The following SCN10A variants were observed in gnomAD, a reference collection of about 807,000 sequenced individuals.
SCN10A encodes the protein sodium voltage-gated channel alpha subunit 10, also known as sodium channel protein type 10 subunit alpha.
SCN10A carries 162 observed loss-of-function variants against 170.7 expected under a neutral mutation model. The observed-to-expected ratio is 0.95, with a 90% CI of 0.84 to 1.08. SCN10A has a LOEUF of 1.08. SCN10A is among the 50% of genes least tolerant of loss of function. The pLI, the probability that SCN10A is intolerant of heterozygous loss-of-function variation, is 0.00. For synonymous variants in SCN10A, 985 were observed against 904.6 expected (o/e 1.09, Z -1.59); for missense variants, 2,527 against 2,436.9 (o/e 1.04, Z -0.78).
intron 4 of SCN10A, among the ~76,000 whole-genome samples, chr3:38,785,319 G>T (rs1575177094): frequency 6.6e-6 from 1 of 152,030 alleles, no homozygotes; most frequent in African/African-American, 2.4e-5. Context: ...GGCCTCAGAA[G>T]TAACACCGCA....
At chr3:38,783,153 G>A (rs1274219526) in intron 4 of SCN10A, among the ~76,000 whole-genome samples, 1 of 151,922 alleles carries the variant, frequency 6.6e-6, no homozygotes, top group African/African-American at 2.4e-5. Context: ...CTCCTTAGAG[G>A]CCCAATCTCC....
chr3:38,753,958 G>C (rs1456173688), intron 11 of SCN10A, among the ~76,000 whole-genome samples: 1 of 152,078 alleles, frequency 6.6e-6, no homozygotes, highest in African/African-American at 2.4e-5. Flanking sequence ...ATTTCTATTG[G>C]TTATAAAATG....
intron 1 of SCN10A, among the ~76,000 whole-genome samples, chr3:38,808,243 GC>G (rs1405628617): frequency 8.9e-5 from 5 of 56,386 alleles, no homozygotes; most frequent in Admixed American, 1.8e-4. Context: ...TTTCACACAT[GC>G]TTTTTTCTCT....
intron 26 of SCN10A, among the ~76,000 whole-genome samples, chr3:38,705,057 T>G (rs908417915): frequency 6.6e-6 from 1 of 152,240 alleles, no homozygotes; most frequent in Non-Finnish European, 1.5e-5. Flanking sequence ...GCCTGCCATT[T>G]GGATGCTGGT....
chr3:38,755,963 G>A lies in SCN10A; in HGVS notation c.1291-5C>T, dbSNP rs563934615. ...AATCCCTAGTGCTGCTAGCACCTGCGAAGAGAGAACAGCAGGTGTAGCCAA... is the reference window on the plus strand; with the variant it reads ...AATCCCTAGTGCTGCTAGCACCTGCAAAGAGAGAACAGCAGGTGTAGCCAA... On this transcript the variant is annotated splice_polypyrimidine_tract_variant and splice_region_variant and intron_variant, in intron 10 of 27. Transcript: ENST00000449082. The A allele has an allele frequency of 9.6e-5, 155 of 1,614,116 alleles. 1 individual carries two copies. In the South Asian group the frequency reaches 1.4e-3, roughly 15 times the overall value.
intron 4 of SCN10A, among the ~76,000 whole-genome samples, chr3:38,786,478 A>G (rs2064204104): frequency 6.6e-6 from 1 of 150,970 alleles, no homozygotes; most frequent in Non-Finnish European, 1.5e-5. Context: ...GGGCCTGTTG[A>G]GGGGTTGGGG....
chr3:38,797,047 T>C (rs1005283682), intron 1 of SCN10A, among the ~76,000 whole-genome samples: 5 of 151,870 alleles, frequency 3.3e-5, no homozygotes, highest in African/African-American at 1.2e-4. Flanking sequence ...AAATCACAGA[T>C]CCAATAATAG....
intron 1 of SCN10A, among the ~76,000 whole-genome samples, chr3:38,805,904 T>G (rs1023183372): frequency 5.9e-5 from 9 of 152,042 alleles, no homozygotes; most frequent in African/African-American, 2.2e-4. Flanking sequence ...TAATCTGTTG[T>G]TGGAGCAGGA....
intron 17 of SCN10A, 62 bp from the exon 18 acceptor site, chr3:38,725,376 T>C: frequency 6.8e-7 from 1 of 1,473,804 alleles, no homozygotes; most frequent in Non-Finnish European, 9.1e-7. Flanking sequence ...GTTCTAAATT[T>C]GAAGGGATCT....
In SCN10A at chr3:38,726,884, G is replaced by A. The variant is rs1029017064; in HGVS notation, c.2809C>T (p.Pro937Ser). The change falls in exon 17 of 28, where the codon CCA becomes TCA. Residue 937 changes from proline (P) to serine (S), a missense_variant. Physicochemically the swap from Pro to Ser is moderately conservative, Grantham distance 74. Transcript: ENST00000449082. Reference sequence around the variant, plus strand: ...GGCTCTGCCTTGGGCTGGGGGAATGGGCAGGACCTGCTGAAGAAGCTGCAA... The same window carrying A: ...GGCTCTGCCTTGGGCTGGGGGAATGAGCAGGACCTGCTGAAGAAGCTGCAA... ...ALCSFFSRSC[P>S]FPQPKAEPEL... 3.7e-5 allele frequency: 60 copies of A among 1,614,210 alleles called. No individual in the cohort carries two copies. Among genetic ancestry groups the A allele is most frequent in the Non-Finnish European group, 5.0e-5 (59 of 1,180,044 alleles).
chr3:38,705,529 AAT>A (rs2063201547), intron 26 of SCN10A, among the ~76,000 whole-genome samples: 1 of 152,122 alleles, frequency 6.6e-6, no homozygotes, highest in South Asian at 2.1e-4. Context: ...TACTGCCTGG[AAT>A]TTCAACATTA....
intron 16 of SCN10A, 63 bp downstream of exon 16, chr3:38,728,479 G>A: frequency 6.8e-7 from 1 of 1,472,966 alleles, no homozygotes. Context: ...AGCTTTTTCA[G>A]ATAACCCAGA....
At chr3:38,746,133 T>C (rs960051392) in intron 13 of SCN10A, among the ~76,000 whole-genome samples, 4 of 140,476 alleles carry the variant, frequency 2.8e-5, no homozygotes, top group African/African-American at 1.0e-4. Context: ...TAGACCCCTA[T>C]ATCCTAAAGT....
rs372540950 is a variant in SCN10A at position 38,781,490 on chromosome 3, T to C, written c.470+7466A>G. Among the ~76,000 whole-genome samples the C allele has an allele frequency of 1.8e-4, 27 of 152,270 alleles. No individual in the cohort carries two copies. In the South Asian group the frequency reaches 5.4e-3, roughly 30 times the overall value. ...ACCAACAGTTACTTCAAAAGTTGAA[T>C]GAATTGGGCTATGAAGTTTTGCCTC... On this transcript the variant is annotated intron_variant, in intron 4 of 27. Transcript: ENST00000449082.
intron 1 of SCN10A, among the ~76,000 whole-genome samples, chr3:38,794,406 T>C (rs920142373): frequency 1.3e-5 from 2 of 152,192 alleles, no homozygotes; most frequent in Non-Finnish European, 2.9e-5. Context: ...CATCAAAGAC[T>C]TTGGTTTATA....
chr3:38,738,014 A>T (rs1284279402), intron 15 of SCN10A, among the ~76,000 whole-genome samples: 1 of 151,234 alleles, frequency 6.6e-6, no homozygotes, highest in Non-Finnish European at 1.5e-5. Context: ...ATCATGGTGC[A>T]CTGCAGCCTC....
intron 4 of SCN10A, among the ~76,000 whole-genome samples, chr3:38,783,500 T>C (rs1392590666): frequency 6.6e-6 from 1 of 152,116 alleles, no homozygotes. Flanking sequence ...AATATTACTT[T>C]CTTAAGACTC....
At chr3:38,788,627 G>C (rs111791003) in intron 4 of SCN10A, among the ~76,000 whole-genome samples, 5 of 118,778 alleles carry the variant, frequency 4.2e-5, no homozygotes. Context: ...TGTTGGGGGG[G>C]GGTGGGGGCG....
intron 4 of SCN10A, among the ~76,000 whole-genome samples, chr3:38,783,877 CTT>C (rs759810657): frequency 6.6e-6 from 1 of 152,030 alleles, no homozygotes; most frequent in Non-Finnish European, 1.5e-5. Context: ...TATTGTGACA[CTT>C]TAAAAAATTT....
Sources: allele counts gnomAD v4.1 joint callset (sites outside exome capture counted in the v4.1 genomes callset), GRCh38; gene constraint gnomAD v4.1.1; transcripts MANE v1.5; gene names NCBI Gene and HGNC (gene_info 2026-07-23, HGNC 2026-07-21).